The following TMEM37 variants were observed in gnomAD, a reference collection of about 807,000 sequenced individuals.
TMEM37 encodes transmembrane protein 37.
A neutral mutation model predicts 11.0 loss-of-function variants in TMEM37; 12 were observed. The observed-to-expected ratio is 1.09, with a 90% CI of 0.70 to 1.76. TMEM37 has a LOEUF of 1.76. TMEM37 is among the 40% of genes most tolerant of loss of function. TMEM37 has a pLI of 0.00. For missense variants in TMEM37, 203 were observed against 251.2 expected, an observed-to-expected ratio of 0.81 and a Z score of 1.30; for synonymous variants, 127 against 110.5, an observed-to-expected ratio of 1.15 and a Z score of -0.94.
chr2:119,431,924 G>C lies in TMEM37; in HGVS notation c.21G>C (p.Gln7His). The change falls in exon 1 of 2, where the codon CAG becomes CAC. Residue 7 changes from glutamine (Q) to histidine (H), a missense_variant and splice_region_variant. Coordinates refer to ENST00000306406, the MANE Select transcript of TMEM37 (RefSeq NM_183240.3). ...GCAGCATGACTGCCGTCGGCGTGCA[G>C]GTAGCCGGCGCCTGGCGGGGCGCTG... is the stretch of plus-strand genomic sequence containing the variant. Reference protein sequence around the residue: MTAVGVQAQRPLGQRQP... With the variant: MTAVGVHAQRPLGQRQP... 2 of 1,225,548 alleles carry C rather than the reference G, an allele frequency of 1.6e-6. No individual in the cohort carries two copies. Among genetic ancestry groups the C allele is most frequent in the Non-Finnish European group, 2.0e-6 (2 of 983,852 alleles). 75.9% of individuals were successfully genotyped at this position (1,225,548 alleles called of 1,614,324 possible).
chr2:119,437,020 C>G lies in TMEM37; in HGVS notation c.153C>G (p.Leu51=), dbSNP rs1682510648. 3 of 1,614,254 alleles carry G rather than the reference C, an allele frequency of 1.9e-6. No individual in the cohort carries two copies. The highest frequency in any genetic ancestry group is 2.5e-6 in the Non-Finnish European group (3 of 1,180,050). ...SSVSICDGHW[L]LAEDRLFGLW... ...TCTCCATTTGTGATGGGCACTGGCT[C>G]CTGGCTGAGGACCGCCTCTTCGGGC... The change falls in exon 2 of 2, where the codon CTC becomes CTG. Residue 51 remains leucine, a synonymous_variant. Coordinates refer to ENST00000306406, the MANE Select transcript of TMEM37 (RefSeq NM_183240.3).
rs1682519306 is a variant in TMEM37, at chr2:119,437,261, C to G, written c.394C>G (p.Leu132Val). Residue 132 changes from leucine to valine, a missense_variant, in exon 2 of 2, where the codon CTG becomes GTG. Coordinates refer to ENST00000306406, the MANE Select transcript of TMEM37 (RefSeq NM_183240.3). The stretch of plus-strand genomic sequence containing the variant: ...GTGGGTCATGGGTTCCATCCTCCTC[C>G]TGGTGTCTTTCGTCCTCTCCTCCGG... ...CKWVMGSILL[L>V]VSFVLSSGGL... The G allele has an allele frequency of 6.2e-7, 1 of 1,614,126 alleles. No individual in the cohort carries two copies. The highest frequency in any genetic ancestry group is 1.1e-5 in the South Asian group (1 of 91,086).
Position 119,436,404 on chromosome 2 carries a change from A to C in TMEM37, c.22-485A>C, listed in dbSNP as rs1682496475. Among the ~76,000 whole-genome samples, 4 of 152,194 alleles carry C rather than the reference A, an allele frequency of 2.6e-5. No homozygotes were observed. In the South Asian group the frequency reaches 8.3e-4, roughly 31 times the overall value. ...TCATCAGGTGGGTGGGGATTAGGAC[A>C]AAATCGTGTATCCTGGGGAGATGGA... On this transcript the variant is annotated intron_variant, in intron 1 of 1. Transcript: ENST00000306406.
upstream of TMEM37, chr2:119,431,840 G>T: frequency 8.2e-7 from 1 of 1,226,900 alleles, no homozygotes; most frequent in South Asian, 3.7e-5. Context: ...TCCCGGGCTG[G>T]CGCCGGCGGC....
chr2:119,430,039 G>A, upstream of TMEM37: 2 of 1,451,564 alleles, frequency 1.4e-6, no homozygotes, highest in Non-Finnish European at 1.9e-6. Flanking sequence ...CATTCTTAGG[G>A]CTCAGTGAAA....
upstream of TMEM37, chr2:119,430,094 C>G (rs563238338): frequency 2.2e-6 from 2 of 927,724 alleles, no homozygotes; most frequent in South Asian, 1.6e-5. Flanking sequence ...CATGTGGGCT[C>G]TTTATCCAGA....
chr2:119,436,168 G>A (rs1682491021), intron 1 of TMEM37, among the ~76,000 whole-genome samples: 1 of 152,194 alleles, frequency 6.6e-6, no homozygotes, highest in South Asian at 2.1e-4. Flanking sequence ...CGGGGTGGGG[G>A]CGCCTCCTTC....
rs1682406289 is a variant in TMEM37 at position 119,431,925 on chromosome 2, G to A, written c.21+1G>A. ...CAGCATGACTGCCGTCGGCGTGCAG[G>A]TAGCCGGCGCCTGGCGGGGCGCTGA... On this transcript the variant is annotated splice_donor_variant, in intron 1 of 1. Coordinates refer to ENST00000306406, the MANE Select transcript of TMEM37 (RefSeq NM_183240.3). LOFTEE classifies it high-confidence loss of function. 8.2e-6 allele frequency: 10 copies of A among 1,225,510 alleles called. No individual in the cohort carries two copies. The Admixed American group carries it at 1.3e-4, about 16-fold the overall frequency. 75.9% of individuals were successfully genotyped at this position (1,225,510 alleles called of 1,614,324 possible).
intron 1 of TMEM37, 26 bp downstream of exon 1, chr2:119,431,950 A>C (rs1165643057): frequency 8.2e-7 from 1 of 1,213,482 alleles, no homozygotes; most frequent in Non-Finnish European, 1.0e-6. Flanking sequence ...CGGGGCGCTG[A>C]CCCGGGGTGC....
At chr2:119,430,392 T>A, upstream of TMEM37, 1 of 477,746 alleles carries the variant, frequency 2.1e-6, no homozygotes, top group South Asian at 1.5e-5. Context: ...AAACCTGGAC[T>A]AGGCCTGCTG....
At chr2:119,435,457 G>A (rs1206369246) in intron 1 of TMEM37, among the ~76,000 whole-genome samples, 2 of 152,210 alleles carry the variant, frequency 1.3e-5, no homozygotes, top group Non-Finnish European at 1.5e-5. Flanking sequence ...CTCCCAAACC[G>A]AGGTGTAACC....
intron 1 of TMEM37, among the ~76,000 whole-genome samples, chr2:119,433,782 C>T (rs985931114): frequency 6.6e-6 from 1 of 152,150 alleles, no homozygotes; most frequent in African/African-American, 2.4e-5. Context: ...CTCCCCGCTC[C>T]CTTCTTTTCC....
In TMEM37 at chr2:119,437,403, G is replaced by A; in HGVS notation, c.536G>A (p.Gly179Asp). Residue 179 changes from glycine (G) to aspartate (D), a missense_variant, in exon 2 of 2, where the codon GGC becomes GAC. By Grantham distance (94) the Gly-to-Asp change is moderately conservative. Transcript: ENST00000306406. ...CTCCTCTTCCTGAACGCCATCAGCG[G>A]CCTTCACATCAACAGCATCACCCAT... ...SFLLFLNAISGLHINSITHPW... is the reference protein window; with the variant it reads ...SFLLFLNAISDLHINSITHPW... 1.2e-6 allele frequency: 2 copies of A among 1,614,136 alleles called. No individual in the cohort carries two copies. Among genetic ancestry groups the A allele is most frequent in the Non-Finnish European group, 1.7e-6 (2 of 1,179,990 alleles).
intron 1 of TMEM37, among the ~76,000 whole-genome samples, chr2:119,436,610 G>A (rs548717568): frequency 9.6e-4 from 146 of 152,218 alleles, no homozygotes; most frequent in South Asian, 3.5e-3. Flanking sequence ...TTTGCCAGTC[G>A]GTTTGGACTT....
intron 1 of TMEM37, among the ~76,000 whole-genome samples, chr2:119,436,279 G>A (rs1037505582): frequency 1.3e-5 from 2 of 152,166 alleles, no homozygotes; most frequent in Non-Finnish European, 2.9e-5. Context: ...TAGGGTACAG[G>A]CCGCACAGGT....
chr2:119,432,880 G>A lies in TMEM37; in HGVS notation c.21+956G>A, dbSNP rs759495701. 2.6e-5 allele frequency among the ~76,000 whole-genome samples: 4 copies of A among 152,170 alleles called. No homozygotes were observed. The South Asian group carries it at 8.3e-4, about 32-fold the overall frequency. ...GGCTTTCTGGCTCCAAATCCCACTG[G>A]CTCCTCCTGCCTTTACCTAACGGGA... On this transcript the variant is annotated intron_variant, in intron 1 of 1. Transcript: ENST00000306406.
chr2:119,433,652 G>A (rs1199020535), intron 1 of TMEM37, among the ~76,000 whole-genome samples: 2 of 152,110 alleles, frequency 1.3e-5, no homozygotes, highest in Non-Finnish European at 2.9e-5. Context: ...ATCATGCAAG[G>A]TTACAGATGA....
At chr2:119,430,323 C>T (rs1346118905), upstream of TMEM37, 2 of 543,490 alleles carry the variant, frequency 3.7e-6, no homozygotes, top group Admixed American at 4.5e-5. Context: ...AGTGGGGCCT[C>T]GCAATCTGTT....
At chr2:119,429,936 C>A, upstream of TMEM37, 1 of 1,550,540 alleles carries the variant, frequency 6.4e-7, no homozygotes, top group South Asian at 1.2e-5. Flanking sequence ...GATGACCCGA[C>A]CTGACTGTTC....
Sources: gnomAD v4.1 joint callset for allele counts (sites outside exome capture counted in the v4.1 genomes callset) on GRCh38, gnomAD v4.1.1 for gene constraint, MANE v1.5 for transcripts, NCBI Gene and HGNC (gene_info 2026-07-23, HGNC 2026-07-21) for gene names.